PCYT2: variants seen among roughly 807,000 people sequenced by gnomAD.
The protein encoded by PCYT2 is phosphate cytidylyltransferase 2, ethanolamine.
PCYT2 carries 33 observed loss-of-function variants against 50.0 expected under a neutral mutation model. The ratio of observed to expected loss-of-function variants is 0.66; its 90% CI spans 0.50 to 0.88. PCYT2 has a LOEUF of 0.88. PCYT2 is among the 40% of genes least tolerant of loss of function. The pLI, the probability that PCYT2 is intolerant of heterozygous loss-of-function variation, is 0.00. For missense variants in PCYT2, 430 were observed against 519.7 expected (o/e 0.83, Z 1.68); for synonymous variants, 240 against 203.7 (o/e 1.18, Z -1.52).
In PCYT2 at chr17:81,902,837, C is replaced by T. The variant is rs2040016355; in HGVS notation, c.*1996G>A. The T allele has an allele frequency of 1.0e-5, 12 of 1,187,732 alleles. No homozygotes were observed. Among genetic ancestry groups the T allele is most frequent in the Non-Finnish European group, 1.4e-5 (12 of 860,736 alleles). The allele number at this position is 1,187,732 out of a possible 1,614,324, so 73.6% of individuals were successfully genotyped here. A position where few individuals can be genotyped will look rare whatever the true frequency, so the allele number is the denominator to read the frequency against. ...GGCCCCTCCGGCGCGGGATGGCGCC[C>T]CAGGTCTCCCCTACTCCGCTCACCC... On this transcript the variant is annotated 3_prime_UTR_variant, in exon 13 of 13. Coordinates refer to ENST00000538936, the MANE Select transcript of PCYT2 (RefSeq NM_002861.5).
Position 81,906,547 on chromosome 17 carries a change from C to G in PCYT2, c.677-1G>C. 1 of 1,613,394 alleles carries G rather than the reference C, an allele frequency of 6.2e-7. No homozygotes were observed. Among genetic ancestry groups the G allele is most frequent in the Non-Finnish European group, 8.5e-7 (1 of 1,179,880 alleles). On this transcript the variant is annotated splice_acceptor_variant, in intron 7 of 12. Coordinates refer to ENST00000538936, the MANE Select transcript of PCYT2 (RefSeq NM_002861.5). LOFTEE classifies it high-confidence loss of function. ...TCCAGGAAGTCCACATGCCCGATGT[C>G]TGCACCCAGGTTAAGAAGCAGTCGG... is the stretch of plus-strand genomic sequence containing the variant.
Position 81,902,149 on chromosome 17 carries a change from C to A in PCYT2, c.*2684G>T. 1.1e-6 allele frequency: 1 copy of A among 911,620 alleles called. No individual in the cohort carries two copies. The highest frequency in any genetic ancestry group is 1.4e-6 in the Non-Finnish European group (1 of 711,850). 56.5% of individuals were successfully genotyped at this position (911,620 alleles called of 1,614,324 possible). Reference sequence around the variant, plus strand: ...GGCTCCTCCGCGCGCGCCCGCTGCACCCCAGCCCGCCCGCCGCCCCTCCCG... The same window carrying A: ...GGCTCCTCCGCGCGCGCCCGCTGCAACCCAGCCCGCCCGCCGCCCCTCCCG... On this transcript the variant is annotated 3_prime_UTR_variant, in exon 13 of 13. Coordinates refer to ENST00000538936, the MANE Select transcript of PCYT2 (RefSeq NM_002861.5).
At chr17:81,909,428 G>T in intron 2 of PCYT2, 86 bp downstream of exon 2, 1 of 1,491,792 alleles carries the variant, frequency 6.7e-7, no homozygotes, top group Non-Finnish European at 9.2e-7. Context: ...TGGCAAGGTG[G>T]CCCCAGGCCT....
rs372015652 is a variant in PCYT2 at position 81,902,811 on chromosome 17, AG to A, written c.*2021del. ...CCCCACCGTCCCACTCGGTGACCCC[AG>A]GCCCCTCCGGCGCGGGATGGCGCCC... On this transcript the variant is annotated 3_prime_UTR_variant, in exon 13 of 13. Coordinates refer to ENST00000538936, the MANE Select transcript of PCYT2 (RefSeq NM_002861.5). 1.7e-3 allele frequency: 2,498 copies of A among 1,471,866 alleles called. 23 individuals carry two copies. In the African/African-American group the frequency reaches 0.031, roughly 18 times the overall value. The allele number at this position is 1,471,866 out of a possible 1,614,324, so 91.2% of individuals were successfully genotyped here. A position where few individuals can be genotyped will look rare whatever the true frequency, so the allele number is the denominator to read the frequency against.
At position 81,909,054 on chromosome 17, in the gene PCYT2, G is replaced by A. The variant is rs774038979; in HGVS notation, c.179-17C>T. On this transcript the variant is annotated splice_polypyrimidine_tract_variant and intron_variant, in intron 2 of 12. Coordinates refer to ENST00000538936, the MANE Select transcript of PCYT2 (RefSeq NM_002861.5). ...CGATCTCCTCTAGGAAAAGGACAACGGGGAGACTGGGGACCCCAGCCCACC... is the reference window on the plus strand; with the variant it reads ...CGATCTCCTCTAGGAAAAGGACAACAGGGAGACTGGGGACCCCAGCCCACC... 39 of 1,606,234 alleles carry A rather than the reference G, an allele frequency of 2.4e-5. No individual in the cohort carries two copies. The highest frequency in any genetic ancestry group is 8.9e-5 in the East Asian group (4 of 44,794).
chr17:81,905,792 G>T, intron 9 of PCYT2, 57 bp from the exon 10 acceptor site: 1 of 1,555,572 alleles, frequency 6.4e-7, no homozygotes, highest in Non-Finnish European at 8.9e-7. Context: ...GGTAAGCCAG[G>T]GCCACAGGGT....
At position 81,902,550 on chromosome 17, in the gene PCYT2, G is replaced by C. The variant is rs901357264; in HGVS notation, c.*2283C>G. 3.3e-6 allele frequency: 5 copies of C among 1,492,776 alleles called. No homozygotes were observed. The highest frequency in any genetic ancestry group is 2.9e-5 in the African/African-American group (2 of 68,658). The allele number at this position is 1,492,776 out of a possible 1,614,324, so 92.5% of individuals were successfully genotyped here. On this transcript the variant is annotated 3_prime_UTR_variant, in exon 13 of 13. Coordinates refer to ENST00000538936, the MANE Select transcript of PCYT2 (RefSeq NM_002861.5). Reference sequence around the variant, plus strand: ...TCGTGAGTCCGGCGTGCCGGGGACTGATGGGGGGCGGCGGCAGGACGTGGG... The same window carrying C: ...TCGTGAGTCCGGCGTGCCGGGGACTCATGGGGGGCGGCGGCAGGACGTGGG...
rs370783148 is a variant in PCYT2 at position 81,902,780 on chromosome 17, C to G, written c.*2053G>C. 3.8e-6 allele frequency: 6 copies of G among 1,575,684 alleles called. No individual in the cohort carries two copies. The African/African-American group carries it at 8.2e-5, about 22-fold the overall frequency. ...ACCTCTCCTGGCACCGCTGGGGGCC[C>G]CCCGCCCCCACCGTCCCACTCGGTG... On this transcript the variant is annotated 3_prime_UTR_variant, in exon 13 of 13. Coordinates refer to ENST00000538936, the MANE Select transcript of PCYT2 (RefSeq NM_002861.5).
At position 81,902,647 on chromosome 17, in the gene PCYT2, A is replaced by C; in HGVS notation, c.*2186T>G. ...TGTGTGCGTCCAGGACGTCGCCCCA[A>C]ACCTGCAGAGGTGCGAGCGGCTCCC... On this transcript the variant is annotated 3_prime_UTR_variant, in exon 13 of 13. Coordinates refer to ENST00000538936, the MANE Select transcript of PCYT2 (RefSeq NM_002861.5). The C allele has an allele frequency of 6.2e-7, 1 of 1,604,546 alleles. No homozygotes were observed. Among genetic ancestry groups the C allele is most frequent in the South Asian group, 1.1e-5 (1 of 89,934 alleles).
At chr17:81,906,436 G>A in intron 8 of PCYT2, 28 bp downstream of exon 8, 1 of 1,603,080 alleles carries the variant, frequency 6.2e-7, no homozygotes, top group Admixed American at 1.7e-5. Flanking sequence ...CAGCTGCCCA[G>A]GGGCCCAGGG....
Position 81,902,323 on chromosome 17 carries a change from C to G in PCYT2, c.*2510G>C. 7.5e-7 allele frequency: 1 copy of G among 1,339,952 alleles called. No homozygotes were observed. The highest frequency in any genetic ancestry group is 2.0e-5 in the South Asian group (1 of 49,692). 83.0% of individuals were successfully genotyped at this position (1,339,952 alleles called of 1,614,324 possible). On this transcript the variant is annotated 3_prime_UTR_variant, in exon 13 of 13. Coordinates refer to ENST00000538936, the MANE Select transcript of PCYT2 (RefSeq NM_002861.5). ...GGCGGCCGCCGCCCTGGCGCTGTGC[C>G]TGCTGCTGGCGCCGCCTGGCCTCGC...
In PCYT2 at chr17:81,909,031, A is replaced by G. The variant is rs2040435002; in HGVS notation, c.185T>C (p.Ile62Thr). 1 of 1,613,286 alleles carries G rather than the reference A, an allele frequency of 6.2e-7. No individual in the cohort carries two copies. Among genetic ancestry groups the G allele is most frequent in the Non-Finnish European group, 8.5e-7 (1 of 1,179,808 alleles). The change falls in exon 3 of 13, where the codon ATC becomes ACC. Residue 62 changes from isoleucine (I) to threonine (T), a missense_variant. By Grantham distance (89) the Ile-to-Thr change is moderately conservative (BLOSUM62 -1). Transcript: ENST00000538936. ...LIVGVHTDEE[I>T]AKHKGPPVFT... ...CACCGGGGGCCCCTTGTGCTTGGCGATCTCCTCTAGGAAAAGGACAACGGG... is the reference window on the plus strand; with the variant it reads ...CACCGGGGGCCCCTTGTGCTTGGCGGTCTCCTCTAGGAAAAGGACAACGGG...
At chr17:81,910,178 T>C (rs934789776) in intron 1 of PCYT2, among the ~76,000 whole-genome samples, 1 of 152,218 alleles carries the variant, frequency 6.6e-6, no homozygotes, top group South Asian at 2.1e-4. Context: ...GCCACCTGGC[T>C]CGAGAGTTTT....
Position 81,902,318 on chromosome 17 carries a change from T to C in PCYT2, c.*2515A>G, listed in dbSNP as rs990614756. On this transcript the variant is annotated 3_prime_UTR_variant, in exon 13 of 13. Coordinates refer to ENST00000538936, the MANE Select transcript of PCYT2 (RefSeq NM_002861.5). Reference sequence around the variant, plus strand: ...ACACTGGCGGCCGCCGCCCTGGCGCTGTGCCTGCTGCTGGCGCCGCCTGGC... The same window carrying C: ...ACACTGGCGGCCGCCGCCCTGGCGCCGTGCCTGCTGCTGGCGCCGCCTGGC... The C allele has an allele frequency of 4.5e-6, 6 of 1,336,948 alleles. No individual in the cohort carries two copies. In the African/African-American group the frequency reaches 6.2e-5, roughly 14 times the overall value. The allele number at this position is 1,336,948 out of a possible 1,614,324, so 82.8% of individuals were successfully genotyped here.
chr17:81,908,474 C>T (rs1018389714), intron 4 of PCYT2, 94 bp downstream of exon 4: 8 of 928,396 alleles, frequency 8.6e-6, no homozygotes, highest in Middle Eastern at 2.5e-4. Context: ...CCTGGACGCT[C>T]CCCTCACGGG....
At chr17:81,906,348 C>T in intron 8 of PCYT2, 116 bp downstream of exon 8, 2 of 1,183,718 alleles carry the variant, frequency 1.7e-6, no homozygotes, top group Non-Finnish European at 2.5e-6. Context: ...CCCAGGGTCT[C>T]CTGTGACTTC....
intron 1 of PCYT2, 192 bp downstream of exon 1, chr17:81,911,075 C>T (rs2040575299): frequency 2.0e-6 from 2 of 1,002,070 alleles, no homozygotes; most frequent in Middle Eastern, 4.0e-4. Context: ...ACGGGGTCGC[C>T]CACGGCAGGG....
At chr17:81,908,851 C>T (rs751579174) in intron 3 of PCYT2, 25 bp downstream of exon 3, 10 of 1,599,972 alleles carry the variant, frequency 6.3e-6, no homozygotes, top group Non-Finnish European at 8.6e-6. Context: ...TCCCCAGGCC[C>T]CCAGGTCCCA....
Position 81,908,578 on chromosome 17 carries a change from C to T in PCYT2, c.397G>A (p.Gly133Arg), listed in dbSNP as rs1054986460. 1 of 1,613,268 alleles carries T rather than the reference C, an allele frequency of 6.2e-7. No individual in the cohort carries two copies. The highest frequency in any genetic ancestry group is 8.5e-7 in the Non-Finnish European group (1 of 1,179,462). ...RDTYEEVKQA[G>R]RYRECKRTQG... is the part of the protein sequence containing the mutation. The stretch of plus-strand genomic sequence containing the variant: ...GCGGTGGAGACTCACCTGTACCTCC[C>T]AGCCTGCTTTACTTCCTCATAGGTG... The change falls in exon 4 of 13, where the codon GGG becomes AGG. Residue 133 changes from glycine to arginine, a missense_variant. Around this residue, in one of 4 missense-constraint regions of PCYT2, gnomAD observed 117 missense variants for 163.9 expected, o/e 0.71. Coordinates refer to ENST00000538936, the MANE Select transcript of PCYT2 (RefSeq NM_002861.5).
Sources: gnomAD v4.1 joint callset for allele counts (sites outside exome capture counted in the v4.1 genomes callset) on GRCh38, gnomAD v4.1.1 for gene constraint, gnomAD v4.1.1 regional missense constraint, MANE v1.5 for transcripts, NCBI Gene and HGNC (gene_info 2026-07-23, HGNC 2026-07-21) for gene names.